ZNF629: variants seen among roughly 807,000 people sequenced by gnomAD.
The protein encoded by ZNF629 is zinc finger protein 629.
ZNF629 carries 9 observed loss-of-function variants against 59.7 expected under a neutral mutation model. The ratio of observed to expected loss-of-function variants is 0.15; its 90% CI spans 0.09 to 0.26. The LOEUF (loss-of-function observed/expected upper bound fraction) is 0.26. Among genes scored for constraint, ZNF629 ranks in the 10% least tolerant of loss-of-function variants. ZNF629 has a pLI of 1.00. For missense variants in ZNF629, 853 were observed against 1,165.4 expected (o/e 0.73, Z 3.90); for synonymous variants, 509 against 498.9 (o/e 1.02, Z -0.27).
At position 30,782,473 on chromosome 16, in the gene ZNF629, G is replaced by T; in HGVS notation, c.1855C>A (p.Leu619Ile). Residue 619 changes from leucine (L) to isoleucine (I), a missense_variant, in exon 3 of 3, where the codon CTC (leucine) becomes ATC (isoleucine). Physicochemically the swap from Leu to Ile is conservative, Grantham distance 5. Around this residue, in one of 3 missense-constraint regions of ZNF629, gnomAD observed 420 missense variants for 435.6 expected, o/e 0.96. Transcript: ENST00000262525. ...GGGTAGGAATTCCCTCTGAAAGGGA[G>T]CCTTGGGGATCGTAACTGAGGAGGT... ...PKPPQLRSPR[L>I]PFRGNSYPGA... The T allele has an allele frequency of 6.4e-7, 1 of 1,567,858 alleles. No homozygotes were observed. The highest frequency in any genetic ancestry group is 8.7e-7 in the Non-Finnish European group (1 of 1,155,840).
chr16:30,784,560 G>T, intron 1 of ZNF629, 45 bp from the exon 2 acceptor site: 2 of 1,427,718 alleles, frequency 1.4e-6, no homozygotes, highest in Non-Finnish European at 1.9e-6. Flanking sequence ...AGCTGATTTT[G>T]CACTTTGCTT....
chr16:30,783,062 G>T lies in ZNF629; in HGVS notation c.1266C>A (p.Arg422=), dbSNP rs569332998. 28 of 1,614,046 alleles carry T rather than the reference G, an allele frequency of 1.7e-5. No homozygotes were observed. In the East Asian group the frequency reaches 5.8e-4, roughly 33 times the overall value. Residue 422 remains arginine, a synonymous_variant, in exon 3 of 3, where the codon CGC becomes CGA. Coordinates refer to ENST00000262525, the MANE Select transcript of ZNF629 (RefSeq NM_001080417.3). ...TGTAGGGCCGCTCGCCGCGGTGGAT[G>T]CGCTGGTGGTTGATGAGGTTGGAGC... The part of the protein sequence containing the change: ...SVSSNLINHQ[R]IHRGERPYIC...
chr16:30,784,540 G>A, intron 1 of ZNF629, 25 bp from the exon 2 acceptor site: 4 of 1,469,342 alleles, frequency 2.7e-6, no homozygotes, highest in Non-Finnish European at 2.7e-6. Flanking sequence ...AGCGATGAGC[G>A]CACACTGGGA....
rs2054279818 is a variant in ZNF629 at position 30,781,406 on chromosome 16, A to T, written c.*312T>A. On this transcript the variant is annotated 3_prime_UTR_variant, in exon 3 of 3. Coordinates refer to ENST00000262525, the MANE Select transcript of ZNF629 (RefSeq NM_001080417.3). ...CATATTGGGACCTCTTCCTACAATTAATAGGGCTTTTATCCACTATGGTTT... is the reference window on the plus strand; with the variant it reads ...CATATTGGGACCTCTTCCTACAATTTATAGGGCTTTTATCCACTATGGTTT... The T allele has an allele frequency of 4.4e-6, 1 of 227,318 alleles. No individual in the cohort carries two copies. Among genetic ancestry groups the T allele is most frequent in the Non-Finnish European group, 8.5e-6 (1 of 118,144 alleles). 14.1% of individuals were successfully genotyped at this position (227,318 alleles called of 1,614,324 possible). A position where few individuals can be genotyped will look rare whatever the true frequency, so the allele number is the denominator to read the frequency against.
chr16:30,781,759 G>A lies in ZNF629; in HGVS notation c.2569C>T (p.Leu857Phe). The A allele has an allele frequency of 6.2e-7, 1 of 1,612,928 alleles. No homozygotes were observed. Among genetic ancestry groups the A allele is most frequent in the East Asian group, 2.2e-5 (1 of 44,834 alleles). The change falls in exon 3 of 3, where the codon CTC becomes TTC. Residue 857 changes from leucine to phenylalanine, a missense_variant. By Grantham distance (22) the Leu-to-Phe change is conservative. Around this residue, in one of 3 missense-constraint regions of ZNF629, gnomAD observed 420 missense variants for 435.6 expected, o/e 0.96. Transcript: ENST00000262525. ...GGGTGGCAGCTCCTATGGAGCAGGA[G>A]GGCTGCGACTTCTGTGAAGCCGGCT... ...CGAGFTEVAA[L>F]LLHRSCHPGV...
At chr16:30,784,551 G>A (rs1006313503) in intron 1 of ZNF629, 36 bp from the exon 2 acceptor site, 2 of 1,447,494 alleles carry the variant, frequency 1.4e-6, no homozygotes, top group Non-Finnish European at 1.8e-6. Flanking sequence ...CACACTGGGA[G>A]CTGATTTTGC....
rs1258803176 is a variant in ZNF629 at position 30,783,772 on chromosome 16, T to G, written c.556A>C (p.Ser186Arg). The G allele has an allele frequency of 6.2e-7, 1 of 1,612,410 alleles. No individual in the cohort carries two copies. Among genetic ancestry groups the G allele is most frequent in the African/African-American group, 1.3e-5 (1 of 74,514 alleles). ...RPNTCSECGK[S>R]FTQSSHLVQH... ...ACCAGGTGCGAGCTCTGCGTGAAGCTCTTGCCGCACTCGGAGCAGGTGTTG... is the reference window on the plus strand; with the variant it reads ...ACCAGGTGCGAGCTCTGCGTGAAGCGCTTGCCGCACTCGGAGCAGGTGTTG... The change falls in exon 3 of 3, where the codon AGC (serine) becomes CGC (arginine). Residue 186 changes from serine to arginine, a missense_variant. Transcript: ENST00000262525.
chr16:30,784,286 G>GT (rs2054311722), intron 2 of ZNF629, 32 bp from the exon 3 acceptor site: 5 of 1,575,586 alleles, frequency 3.2e-6, no homozygotes, highest in Non-Finnish European at 4.3e-6. Context: ...ACAGCCCCCA[G>GT]CCCCTTTCAG....
chr16:30,783,964 A>G lies in ZNF629; in HGVS notation c.364T>C (p.Trp122Arg). 1.3e-6 allele frequency: 2 copies of G among 1,585,046 alleles called. No individual in the cohort carries two copies. The highest frequency in any genetic ancestry group is 1.7e-6 in the Non-Finnish European group (2 of 1,165,696). Residue 122 changes from tryptophan to arginine, a missense_variant, in exon 3 of 3, where the codon TGG becomes CGG. Transcript: ENST00000262525. The part of the protein sequence containing the change: ...ASWQWGALTT[W>R]NSPPVVPANE... ...GCGGGGACGACTGGGGGGCTGTTCC[A>G]TGTGGTGAGAGCGCCCCACTGCCAG...
chr16:30,784,207 C>G lies in ZNF629; in HGVS notation c.121G>C (p.Gly41Arg). Residue 41 changes from glycine to arginine, a missense_variant, in exon 3 of 3, where the codon GGG becomes CGG. By Grantham distance (125) the Gly-to-Arg change is moderately radical. Around this residue, in one of 3 missense-constraint regions of ZNF629, gnomAD observed 232 missense variants for 193.4 expected, o/e 1.20. Coordinates refer to ENST00000262525, the MANE Select transcript of ZNF629 (RefSeq NM_001080417.3). ...GGGTCTCCCATGATGATCTCCTCCC[C>G]AGAACTTTCCTGCCGAGGGCTCTCC... ...EEESPRQESS[G>R]EEIIMGDPAQ... 1 of 1,608,240 alleles carries G rather than the reference C, an allele frequency of 6.2e-7. No homozygotes were observed. The highest frequency in any genetic ancestry group is 8.5e-7 in the Non-Finnish European group (1 of 1,178,744).
rs771963997 is a variant in ZNF629 at position 30,783,840 on chromosome 16, G to C, written c.488C>G (p.Ser163Cys). 6.2e-7 allele frequency: 1 copy of C among 1,612,406 alleles called. No homozygotes were observed. Among genetic ancestry groups the C allele is most frequent in the Non-Finnish European group, 8.5e-7 (1 of 1,179,238 alleles). ...GATGCGCTGGTGCCGCAGCAGCTTG[G>C]ACCACTGGCTGAAGCTCTTGCCGCA... The part of the protein sequence containing the change: ...NECGKSFSQW[S>C]KLLRHQRIHT... Residue 163 changes from serine (S) to cysteine (C), a missense_variant, in exon 3 of 3, where the codon TCC (serine) becomes TGC (cysteine). Around this residue, in one of 3 missense-constraint regions of ZNF629, gnomAD observed 201 missense variants for 536.5 expected, o/e 0.37. Coordinates refer to ENST00000262525, the MANE Select transcript of ZNF629 (RefSeq NM_001080417.3).
rs1184129438 is a variant in ZNF629 at position 30,782,926 on chromosome 16, T to G, written c.1402A>C (p.Ile468Leu). The change falls in exon 3 of 3, where the codon ATC becomes CTC. Residue 468 changes from isoleucine (I) to leucine (L), a missense_variant. Ile to Leu is a conservative substitution (Grantham distance 5, BLOSUM62 2). Transcript: ENST00000262525. ...TGCTGGATAAGGTGGGAGCTGCGGA[T>G]GAAGCTCTTGCCGCAGTCGGAACAC... is the stretch of plus-strand genomic sequence containing the variant. ...YKCSDCGKSF[I>L]RSSHLIQHRR... 6.2e-7 allele frequency: 1 copy of G among 1,613,030 alleles called. No individual in the cohort carries two copies. Among genetic ancestry groups the G allele is most frequent in the Non-Finnish European group, 8.5e-7 (1 of 1,179,798 alleles).
rs555256169 is a variant in ZNF629 at position 30,780,465 on chromosome 16, C to G, written c.*1253G>C. On this transcript the variant is annotated 3_prime_UTR_variant, in exon 3 of 3. Transcript: ENST00000262525. The stretch of plus-strand genomic sequence containing the variant: ...TTGGAGAAGGCTGGGGAGGCCCACA[C>G]GCAGGCCCTAAGTCTCTGAAGGGCT... 6.6e-6 allele frequency: 1 copy of G among 152,628 alleles called. No individual in the cohort carries two copies. The highest frequency in any genetic ancestry group is 1.5e-5 in the Non-Finnish European group (1 of 68,034). 9.5% of individuals were successfully genotyped at this position (152,628 alleles called of 1,614,324 possible).
rs1262541908 is a variant in ZNF629, at chr16:30,786,389, G to A, written c.-34+639C>T. Among the ~76,000 whole-genome samples the A allele has an allele frequency of 6.6e-6, 1 of 152,116 alleles. No individual in the cohort carries two copies. Among genetic ancestry groups the A allele is most frequent in the African/African-American group, 2.4e-5 (1 of 41,406 alleles). On this transcript the variant is annotated intron_variant, in intron 1 of 2. Transcript: ENST00000262525. The surrounding 1 kb of genome is among the most constrained non-coding windows in gnomAD (Gnocchi z 4.8). ...GTCTCCAAAAAATTCTCCCCTAGTG[G>A]TCCAGAGTAGGAGGGAAAGGGTTAA...
chr16:30,784,436 T>C lies in ZNF629; in HGVS notation c.47A>G (p.Glu16Gly). Residue 16 changes from glutamate (E) to glycine (G), a missense_variant, in exon 2 of 3, where the codon GAA becomes GGA. Glu to Gly is a moderately conservative substitution (Grantham distance 98). Around this residue, in one of 3 missense-constraint regions of ZNF629, gnomAD observed 232 missense variants for 193.4 expected, o/e 1.20. Coordinates refer to ENST00000262525, the MANE Select transcript of ZNF629 (RefSeq NM_001080417.3). ...ALWGPDLQGPEQSPNDAHRGA... is the reference protein window; with the variant it reads ...ALWGPDLQGPGQSPNDAHRGA... ...TCTGTGAGCATCGTTGGGGCTCTGT[T>C]CCGGACCCTGCAGATCCGGGCCCCA... The C allele has an allele frequency of 6.4e-7, 1 of 1,567,756 alleles. No individual in the cohort carries two copies. The highest frequency in any genetic ancestry group is 8.6e-7 in the Non-Finnish European group (1 of 1,158,782).
intron 2 of ZNF629, 49 bp from the exon 3 acceptor site, chr16:30,784,303 G>A (rs750045274): frequency 6.4e-7 from 1 of 1,563,616 alleles, no homozygotes; most frequent in Admixed American, 1.8e-5. Flanking sequence ...TCAGAACACG[G>A]GGTTTGGTCT....
chr16:30,781,678 C>T lies in ZNF629; in HGVS notation c.*40G>A. 1 of 1,501,950 alleles carries T rather than the reference C, an allele frequency of 6.7e-7. No homozygotes were observed. The highest frequency in any genetic ancestry group is 1.3e-5 in the South Asian group (1 of 77,992). 93.0% of individuals were successfully genotyped at this position (1,501,950 alleles called of 1,614,324 possible). On this transcript the variant is annotated 3_prime_UTR_variant, in exon 3 of 3. Transcript: ENST00000262525. ...TTTTGGGGGAAAAAATCCAGTGTTCCTCTCTGGAGAGAGCGAGGCCCCTGG... is the reference window on the plus strand; with the variant it reads ...TTTTGGGGGAAAAAATCCAGTGTTCTTCTCTGGAGAGAGCGAGGCCCCTGG...
At position 30,784,457 on chromosome 16, in the gene ZNF629, C is replaced by T. The variant is rs1255294083; in HGVS notation, c.26G>A (p.Gly9Asp). The change falls in exon 2 of 3, where the codon GGC becomes GAC. Residue 9 changes from glycine to aspartate, a missense_variant. Physicochemically the swap from Gly to Asp is moderately conservative, Grantham distance 94 (BLOSUM62 -1). This residue lies in a region of ZNF629 where 232 missense variants were observed against 193.4 expected (regional missense o/e 1.20). Transcript: ENST00000262525. Reference protein sequence around the residue: MEPETALWGPDLQGPEQSP... With the variant: MEPETALWDPDLQGPEQSP... Reference sequence around the variant, plus strand: ...CTGTTCCGGACCCTGCAGATCCGGGCCCCACAGCGCAGTCTCGGGCTCCAT... The same window carrying T: ...CTGTTCCGGACCCTGCAGATCCGGGTCCCACAGCGCAGTCTCGGGCTCCAT... 1.9e-6 allele frequency: 3 copies of T among 1,559,360 alleles called. No homozygotes were observed. Among genetic ancestry groups the T allele is most frequent in the Admixed American group, 1.9e-5 (1 of 53,028 alleles).
Position 30,781,661 on chromosome 16 carries a change from GA to G in ZNF629, c.*56del, listed in dbSNP as rs1172595789. The G allele has an allele frequency of 1.7e-5, 25 of 1,459,012 alleles. No homozygotes were observed. The highest frequency in any genetic ancestry group is 1.9e-4 in the Middle Eastern group (1 of 5,162). The allele number at this position is 1,459,012 out of a possible 1,614,324, so 90.4% of individuals were successfully genotyped here. ...CCTTCCCCATGTAATTTTTTTGGGG[GA>G]AAAAATCCAGTGTTCCTCTCTGGAG... On this transcript the variant is annotated 3_prime_UTR_variant, in exon 3 of 3. Coordinates refer to ENST00000262525, the MANE Select transcript of ZNF629 (RefSeq NM_001080417.3).
Sources: gnomAD v4.1 joint callset for allele counts (sites outside exome capture counted in the v4.1 genomes callset) on GRCh38, gnomAD v4.1.1 for gene constraint, gnomAD v4.1.1 regional missense constraint, Gnocchi (gnomAD v3.1) non-coding constraint, MANE v1.5 for transcripts, NCBI Gene and HGNC (gene_info 2026-07-23, HGNC 2026-07-21) for gene names.